Variants in MTUS2 observed in about 807,000 individuals in gnomAD.
The protein encoded by MTUS2 is microtubule-associated tumor suppressor candidate 2.
A neutral mutation model predicts 114.1 loss-of-function variants in MTUS2; 40 were observed. The observed-to-expected ratio is 0.35, with a 90% confidence interval of 0.27 to 0.46. MTUS2 has a LOEUF of 0.46. MTUS2 is among the 20% of genes least tolerant of loss of function. The pLI, the probability that MTUS2 is intolerant of heterozygous loss-of-function variation, is 1.00. For missense variants in MTUS2, 1,679 were observed against 1,705.4 expected (o/e 0.98, Z 0.27); for synonymous variants, 688 against 672.0 (o/e 1.02, Z -0.37).
At chr13:29,317,431 T>TTTAGTTTATAA (rs1900041302) in intron 6 of MTUS2, among the ~76,000 whole-genome samples, 1 of 52,814 alleles carries the variant, frequency 1.9e-5, no homozygotes, top group Non-Finnish European at 3.7e-5. Context: ...TCTCTCTCTC[T>TTTAGTTTATAA]CTTTTTTTTT....
intron 2 of MTUS2, among the ~76,000 whole-genome samples, chr13:28,939,641 A>T (rs112228470): frequency 3.0e-4 from 45 of 152,302 alleles, no homozygotes; most frequent in Middle Eastern, 3.4e-3. Context: ...CAATTTTTCC[A>T]AATAAAATTT....
chr13:29,047,985 T>C (rs1887714814), intron 4 of MTUS2, among the ~76,000 whole-genome samples: 3 of 152,242 alleles, frequency 2.0e-5, no homozygotes, highest in Admixed American at 6.5e-5. Flanking sequence ...AATCAGTATT[T>C]TATTTCTTTT....
intron 6 of MTUS2, among the ~76,000 whole-genome samples, chr13:29,296,357 A>G (rs1898943890): frequency 1.3e-5 from 2 of 151,852 alleles, no homozygotes; most frequent in African/African-American, 4.8e-5. Context: ...GACACACACC[A>G]CCATGCTTGG....
intron 7 of MTUS2, among the ~76,000 whole-genome samples, chr13:29,331,157 T>C (rs1262461606): frequency 1.3e-5 from 2 of 152,208 alleles, no homozygotes; most frequent in Non-Finnish European, 2.9e-5. Flanking sequence ...TTCACATCCC[T>C]TGTAAGTTGT....
chr13:29,349,496 G>A (rs967263308), intron 7 of MTUS2, among the ~76,000 whole-genome samples: 1 of 151,782 alleles, frequency 6.6e-6, no homozygotes, highest in East Asian at 1.9e-4. Flanking sequence ...TTATTTCTTT[G>A]TGTAGATCTG....
chr13:29,343,635 T>C (rs1417185675), intron 7 of MTUS2, among the ~76,000 whole-genome samples: 2 of 152,090 alleles, frequency 1.3e-5, no homozygotes, highest in African/African-American at 4.8e-5. Flanking sequence ...TATTATTTTG[T>C]CTTTCAATTT....
intron 5 of MTUS2, among the ~76,000 whole-genome samples, chr13:29,265,211 A>G (rs1444193624): frequency 6.6e-6 from 1 of 152,222 alleles, no homozygotes; most frequent in Non-Finnish European, 1.5e-5. Context: ...TAGGGCATGA[A>G]CAGAATGCAG....
rs1036545767 is a variant in MTUS2, at chr13:29,158,327, G to A, written c.2644+57357G>A. ...AATTCCACGAGATAGGTCATTCCCC[G>A]CCCCCCACCCCCCAACCCCCGTCCA... On this transcript the variant is annotated intron_variant, in intron 5 of 15. Transcript: ENST00000612955. Among the ~76,000 whole-genome samples, 11 of 43,990 alleles carry A rather than the reference G, an allele frequency of 2.5e-4. No homozygotes were observed. The East Asian group carries it at 2.7e-3, about 11-fold the overall frequency. The allele number at this position is 43,990 out of a possible 152,430, so 28.9% of individuals were successfully genotyped here.
chr13:28,942,373 A>G (rs1263585546), intron 2 of MTUS2, among the ~76,000 whole-genome samples: 10 of 152,262 alleles, frequency 6.6e-5, no homozygotes, highest in Non-Finnish European at 1.3e-4. Context: ...CTCATACTCT[A>G]TTGATGGAAT....
intron 8 of MTUS2, among the ~76,000 whole-genome samples, chr13:29,430,755 A>G (rs1876933944): frequency 6.6e-6 from 1 of 152,226 alleles, no homozygotes; most frequent in South Asian, 2.1e-4. Context: ...TCATTTATTT[A>G]ATTGATAGTT....
chr13:29,165,235 C>A (rs1251297111), intron 5 of MTUS2, among the ~76,000 whole-genome samples: 1 of 152,190 alleles, frequency 6.6e-6, no homozygotes, highest in African/African-American at 2.4e-5. Flanking sequence ...ATTCTCACCC[C>A]AGGGCCATCC....
intron 4 of MTUS2, among the ~76,000 whole-genome samples, chr13:29,059,462 T>A (rs1298865648): frequency 1.3e-5 from 2 of 152,088 alleles, no homozygotes; most frequent in East Asian, 3.9e-4. Flanking sequence ...TAATCTACTC[T>A]CTGAGTGCTT....
At chr13:29,486,689 T>C (rs2138938463) in intron 10 of MTUS2, among the ~76,000 whole-genome samples, 1 of 152,290 alleles carries the variant, frequency 6.6e-6, no homozygotes, top group East Asian at 1.9e-4. Flanking sequence ...CAAAGTAAAA[T>C]AGAGGAAACA....
intron 5 of MTUS2, among the ~76,000 whole-genome samples, chr13:29,210,984 G>C (rs189469649): frequency 2.6e-5 from 4 of 152,244 alleles, no homozygotes; most frequent in Admixed American, 2.0e-4. Context: ...ATGCCACCTG[G>C]GTGGTAAGTA....
At chr13:29,271,221 C>T (rs1782247557) in intron 5 of MTUS2, among the ~76,000 whole-genome samples, 1 of 152,196 alleles carries the variant, frequency 6.6e-6, no homozygotes, top group South Asian at 2.1e-4. Context: ...GCAACTTCTT[C>T]TAATTAGGGC....
At chr13:28,925,618 C>T (rs557708067) in intron 2 of MTUS2, among the ~76,000 whole-genome samples, 2 of 152,090 alleles carry the variant, frequency 1.3e-5, no homozygotes, top group Non-Finnish European at 2.9e-5. Flanking sequence ...GTTAAGGACC[C>T]AGGGCTGAGT....
intron 5 of MTUS2, among the ~76,000 whole-genome samples, chr13:29,182,234 C>T (rs1281314026): frequency 1.3e-5 from 2 of 152,182 alleles, no homozygotes; most frequent in East Asian, 1.9e-4. Context: ...GTATCCAATC[C>T]ATGAGGACAT....
chr13:29,133,105 A>G (rs1402076734), intron 5 of MTUS2, among the ~76,000 whole-genome samples: 1 of 151,840 alleles, frequency 6.6e-6, no homozygotes, highest in Non-Finnish European at 1.5e-5. Flanking sequence ...TTTAATTTTC[A>G]TAATGATTAG....
At chr13:29,187,332 A>G (rs976868984) in intron 5 of MTUS2, among the ~76,000 whole-genome samples, 5 of 152,210 alleles carry the variant, frequency 3.3e-5, no homozygotes, top group African/African-American at 4.8e-5. Flanking sequence ...AAAGATCAAC[A>G]AAATTGACAA....
Sources: gnomAD v4.1 joint callset for allele counts (sites outside exome capture counted in the v4.1 genomes callset) on GRCh38, gnomAD v4.1.1 for gene constraint, MANE v1.5 for transcripts, NCBI Gene and HGNC (gene_info 2026-07-23, HGNC 2026-07-21) for gene names.